The following ZNF69 variants were observed in gnomAD, a reference collection of about 807,000 sequenced individuals.
The protein encoded by ZNF69 is zinc finger protein 69.
In ZNF69, 47 loss-of-function variants were observed where a neutral mutation model predicts 50.9. The ratio of observed to expected loss-of-function variants is 0.92; its 90% CI spans 0.73 to 1.18. The LOEUF is 1.18. ZNF69 is among the 50% of genes most tolerant of loss of function. The pLI is 0.00. For synonymous variants in ZNF69, 216 were observed against 223.1 expected (o/e 0.97, Z 0.29); for missense variants, 717 against 675.1 (o/e 1.06, Z -0.69).
Position 11,906,191 on chromosome 19 carries a change from T to G in ZNF69, c.*93T>G. On this transcript the variant is annotated 3_prime_UTR_variant, in exon 4 of 4. Coordinates refer to ENST00000429654, the MANE Select transcript of ZNF69 (RefSeq NM_001364730.1). Reference sequence around the variant, plus strand: ...GAATGTAAAGAATGTGGGAAACCCTTCAGGTCTGCCCAGAACCTTCGAATT... The same window carrying G: ...GAATGTAAAGAATGTGGGAAACCCTGCAGGTCTGCCCAGAACCTTCGAATT... 1 of 1,555,586 alleles carries G rather than the reference T, an allele frequency of 6.4e-7. No individual in the cohort carries two copies. The highest frequency in any genetic ancestry group is 8.6e-7 in the Non-Finnish European group (1 of 1,158,320).
chr19:11,890,755 A>T (rs1457649223), intron 1 of ZNF69, among the ~76,000 whole-genome samples: 2 of 152,152 alleles, frequency 1.3e-5, no homozygotes, highest in African/African-American at 4.8e-5. Flanking sequence ...CCACCTCGCC[A>T]GGCCAGAAGA....
chr19:11,903,113 G>C (rs561434135), intron 1 of ZNF69, among the ~76,000 whole-genome samples: 1 of 152,220 alleles, frequency 6.6e-6, no homozygotes, highest in South Asian at 2.1e-4. Flanking sequence ...CTCCAGCCTG[G>C]GTAACAGAAC....
At chr19:11,925,417 C>A in the ZNF69 span, 1 of 1,345,202 alleles carries the variant, frequency 7.4e-7, no homozygotes, top group Non-Finnish European at 9.9e-7. Context: ...GGCCCTCGGT[C>A]CCCTTGGCCG....
the ZNF69 span, chr19:11,979,032 T>C: frequency 2.5e-6 from 4 of 1,614,158 alleles, no homozygotes; most frequent in Non-Finnish European, 3.4e-6. Flanking sequence ...ACCTTATGAA[T>C]GTAAGCAGTG....
intron 4 of ZNF69, among the ~76,000 whole-genome samples, chr19:11,911,884 G>A (rs1972463550): frequency 1.3e-5 from 2 of 152,130 alleles, no homozygotes; most frequent in South Asian, 4.1e-4. Flanking sequence ...TGTGGGAAAG[G>A]CTTTTATTCT....
chr19:11,918,701 TG>T (rs1972541932), downstream of ZNF69, among the ~76,000 whole-genome samples: 1 of 151,754 alleles, frequency 6.6e-6, no homozygotes, highest in Non-Finnish European at 1.5e-5. Flanking sequence ...TCAATCCTCT[TG>T]CCTCGGCCTC....
chr19:11,962,337 G>A, the ZNF69 span, among the ~76,000 whole-genome samples: 209 of 152,282 alleles, frequency 1.4e-3, 1 homozygote, highest in Admixed American at 1.6e-3. Context: ...CTACCTGCTG[G>A]AAAGCATTAT....
chr19:11,955,766 G>A, the ZNF69 span, among the ~76,000 whole-genome samples: 1 of 152,134 alleles, frequency 6.6e-6, no homozygotes, highest in South Asian at 2.1e-4. Context: ...GTCCTCCTTT[G>A]CAGGTTGGAG....
downstream of ZNF69, among the ~76,000 whole-genome samples, chr19:11,911,300 T>A (rs988828244): frequency 6.6e-6 from 1 of 152,230 alleles, no homozygotes; most frequent in African/African-American, 2.4e-5. Context: ...AAATACCATT[T>A]GACCCAGCCA....
At chr19:11,911,064 A>G (rs1302648132), downstream of ZNF69, among the ~76,000 whole-genome samples, 10 of 152,330 alleles carry the variant, frequency 6.6e-5, no homozygotes, top group East Asian at 1.9e-3. Context: ...CAACAGACAC[A>G]TGAAAAAATG....
chr19:11,947,284 C>G, the ZNF69 span: 4 of 1,614,018 alleles, frequency 2.5e-6, no homozygotes, highest in Non-Finnish European at 3.4e-6. Flanking sequence ...ATGCTGGAAA[C>G]TTTCAGGAAC....
At chr19:11,893,078 G>T (rs927967655) in intron 1 of ZNF69, among the ~76,000 whole-genome samples, 1 of 152,118 alleles carries the variant, frequency 6.6e-6, no homozygotes, top group Non-Finnish European at 1.5e-5. Context: ...CAAGTGGTCC[G>T]CCCACCTTGG....
downstream of ZNF69, among the ~76,000 whole-genome samples, chr19:11,918,899 C>CT (rs951386224): frequency 2.2e-3 from 314 of 140,886 alleles, 2 homozygotes; most frequent in Middle Eastern, 7.7e-3. Flanking sequence ...ACTTGTTTTT[C>CT]TTTTTTTTTT....
chr19:11,906,180 T>G lies in ZNF69; in HGVS notation c.*82T>G. 1 of 1,561,948 alleles carries G rather than the reference T, an allele frequency of 6.4e-7. No individual in the cohort carries two copies. Among genetic ancestry groups the G allele is most frequent in the East Asian group, 2.2e-5 (1 of 44,744 alleles). On this transcript the variant is annotated 3_prime_UTR_variant, in exon 4 of 4. Transcript: ENST00000429654. ...AGAGAAACCATGAATGTAAAGAATG[T>G]GGGAAACCCTTCAGGTCTGCCCAGA...
the ZNF69 span, among the ~76,000 whole-genome samples, chr19:11,927,574 A>G: frequency 2.0e-5 from 3 of 152,292 alleles, no homozygotes; most frequent in African/African-American, 7.2e-5. Flanking sequence ...GATCTTTTCT[A>G]TGTAAAGAAT....
At chr19:11,934,212 G>T in the ZNF69 span, among the ~76,000 whole-genome samples, 1 of 148,070 alleles carries the variant, frequency 6.8e-6, no homozygotes, top group South Asian at 2.1e-4. Flanking sequence ...CCTTGTTTGA[G>T]TCTAGTTTTT....
At chr19:11,955,668 C>G in the ZNF69 span, among the ~76,000 whole-genome samples, 14 of 152,090 alleles carry the variant, frequency 9.2e-5, no homozygotes, top group Non-Finnish European at 1.8e-4. Flanking sequence ...TAGGGAAAAT[C>G]TTTTATTACA....
downstream of ZNF69, among the ~76,000 whole-genome samples, chr19:11,916,057 C>T (rs1159212715): frequency 6.6e-6 from 1 of 152,186 alleles, no homozygotes; most frequent in Non-Finnish European, 1.5e-5. Flanking sequence ...CAGGCAGATG[C>T]AGTACTCAGT....
chr19:11,910,030 GACAA>G (rs1435525669), downstream of ZNF69, among the ~76,000 whole-genome samples: 2 of 151,006 alleles, frequency 1.3e-5, no homozygotes, highest in East Asian at 3.9e-4. Context: ...ACCAACAACA[GACAA>G]ACAGAGAGCC....
Sources: gnomAD v4.1 joint callset for allele counts (sites outside exome capture counted in the v4.1 genomes callset) on GRCh38, gnomAD v4.1.1 for gene constraint, MANE v1.5 for transcripts, NCBI Gene and HGNC (gene_info 2026-07-23, HGNC 2026-07-21) for gene names.